Variants in GAP43 observed in about 807,000 individuals in gnomAD.
The protein encoded by GAP43 is neuromodulin.
A neutral mutation model predicts 18.6 loss-of-function variants in GAP43; 6 were observed. That is an observed-to-expected ratio of 0.32 (90% CI 0.18 to 0.64). The LOEUF is 0.64. GAP43 is among the 30% of genes least tolerant of loss of function. The probability of loss-of-function intolerance (pLI) is 0.78; values close to 1 mark genes in which losing one functional copy is unlikely to be tolerated. For synonymous variants in GAP43, 115 were observed against 111.4 expected (o/e 1.03, Z -0.20); for missense variants, 292 against 295.5 (o/e 0.99, Z 0.09).
At chr3:115,631,066 A>G (rs1215045440) in intron 1 of GAP43, among the ~76,000 whole-genome samples, 2 of 152,206 alleles carry the variant, frequency 1.3e-5, no homozygotes, top group Admixed American at 1.3e-4. Context: ...CCCCCTCACA[A>G]GGTGGATGTA....
intron 2 of GAP43, among the ~76,000 whole-genome samples, chr3:115,683,167 A>G (rs1708985892): frequency 3.3e-5 from 5 of 151,486 alleles, no homozygotes; most frequent in Admixed American, 6.6e-5. Context: ...ACACACACAC[A>G]CACACACACA....
At chr3:115,687,342 C>T (rs1709047863) in intron 2 of GAP43, among the ~76,000 whole-genome samples, 1 of 152,104 alleles carries the variant, frequency 6.6e-6, no homozygotes, top group African/African-American at 2.4e-5. Flanking sequence ...TTGTGTATTA[C>T]TTATAAGGTC....
At chr3:115,641,549 TTTC>T (rs1708397584) in intron 1 of GAP43, among the ~76,000 whole-genome samples, 1 of 77,918 alleles carries the variant, frequency 1.3e-5, no homozygotes, top group African/African-American at 3.9e-5. Context: ...CACACGGTGC[TTTC>T]CTGTTTCCCT....
chr3:115,696,748 T>C (rs971435827), intron 2 of GAP43, among the ~76,000 whole-genome samples: 9 of 152,030 alleles, frequency 5.9e-5, no homozygotes, highest in African/African-American at 2.2e-4. Flanking sequence ...TCGTTTAATA[T>C]TGTCACCCCA....
At chr3:115,636,976 T>A (rs1414993387) in intron 1 of GAP43, among the ~76,000 whole-genome samples, 1 of 152,070 alleles carries the variant, frequency 6.6e-6, no homozygotes, top group Non-Finnish European at 1.5e-5. Context: ...TAGTATAAAT[T>A]TAAGTATTAA....
chr3:115,630,640 G>T, intron 1 of GAP43, among the ~76,000 whole-genome samples: 1 of 152,160 alleles, frequency 6.6e-6, no homozygotes, highest in East Asian at 1.9e-4. Flanking sequence ...CAACTGGTAA[G>T]GTTCAGTAGT....
chr3:115,674,416 C>T (rs1708854867), intron 1 of GAP43, among the ~76,000 whole-genome samples: 1 of 152,152 alleles, frequency 6.6e-6, no homozygotes, highest in African/African-American at 2.4e-5. Context: ...TATGACCATA[C>T]CTGCTGTTCC....
chr3:115,702,425 A>G (rs983391293), intron 2 of GAP43, among the ~76,000 whole-genome samples: 1 of 152,122 alleles, frequency 6.6e-6, no homozygotes, highest in African/African-American at 2.4e-5. Context: ...AAAGAAAAAA[A>G]CTAGACCCAG....
chr3:115,684,452 C>A (rs1709009247), intron 2 of GAP43, among the ~76,000 whole-genome samples: 1 of 152,106 alleles, frequency 6.6e-6, no homozygotes, highest in Non-Finnish European at 1.5e-5. Flanking sequence ...TGTATCCATG[C>A]CTGTAGTATA....
intron 2 of GAP43, among the ~76,000 whole-genome samples, chr3:115,700,224 A>G (rs904005556): frequency 1.3e-5 from 2 of 152,216 alleles, no homozygotes; most frequent in African/African-American, 4.8e-5. Context: ...CATAATAATC[A>G]TGTCTGAACG....
chr3:115,624,675 A>G (rs1708162760), intron 1 of GAP43, among the ~76,000 whole-genome samples: 2 of 151,970 alleles, frequency 1.3e-5, no homozygotes, highest in Non-Finnish European at 2.9e-5. Flanking sequence ...AGCCATTTCC[A>G]ATTGCTCGCT....
In GAP43 at chr3:115,665,989, A is replaced by AGTTTGTGTGT. The variant is rs1273344906; in HGVS notation, c.31-10022_31-10021insTTGTGTGTGT. Among the ~76,000 whole-genome samples, 126 of 61,734 alleles carry AGTTTGTGTGT rather than the reference A, an allele frequency of 2.0e-3. 1 individual carries two copies. The highest frequency in any genetic ancestry group is 5.9e-3 in the East Asian group (5 of 842). The allele number at this position is 61,734 out of a possible 152,430, so 40.5% of individuals were successfully genotyped here. ...CTGTATATGAAATAGTGGCTAAATG[A>AGTTTGTGTGT]GTGTGTGTGTGTGTGTGTGTGTGTG... On this transcript the variant is annotated intron_variant, in intron 1 of 2. Transcript: ENST00000305124.
At chr3:115,688,962 T>A (rs1012593897) in intron 2 of GAP43, among the ~76,000 whole-genome samples, 1 of 152,248 alleles carries the variant, frequency 6.6e-6, no homozygotes, top group African/African-American at 2.4e-5. Flanking sequence ...TCAGATGTCC[T>A]TCTGCTCAGC....
chr3:115,633,017 G>A (rs1195600583), intron 1 of GAP43, among the ~76,000 whole-genome samples: 1 of 141,384 alleles, frequency 7.1e-6, no homozygotes, highest in Non-Finnish European at 1.6e-5. Context: ...GGAATTTATT[G>A]GAAAAAGAAA....
intron 2 of GAP43, among the ~76,000 whole-genome samples, chr3:115,684,190 T>C (rs1709004447): frequency 6.6e-6 from 1 of 152,178 alleles, no homozygotes; most frequent in East Asian, 1.9e-4. Context: ...ACATATACAG[T>C]GAAATAACTT....
intron 1 of GAP43, among the ~76,000 whole-genome samples, chr3:115,638,521 T>C (rs1218325819): frequency 6.6e-6 from 1 of 151,934 alleles, no homozygotes; most frequent in Non-Finnish European, 1.5e-5. Flanking sequence ...CTTTTTTTTT[T>C]TTTTATCTTT....
intron 2 of GAP43, among the ~76,000 whole-genome samples, chr3:115,713,129 T>A (rs758613229): frequency 5.9e-5 from 9 of 152,188 alleles, no homozygotes; most frequent in Non-Finnish European, 8.8e-5. Flanking sequence ...AAAGACTGTG[T>A]GAGCAACAAA....
chr3:115,627,875 G>A (rs1160213263), intron 1 of GAP43, among the ~76,000 whole-genome samples: 1 of 152,072 alleles, frequency 6.6e-6, no homozygotes, highest in Non-Finnish European at 1.5e-5. Flanking sequence ...CAGAAGTGTT[G>A]GGAAGAATAT....
intron 1 of GAP43, among the ~76,000 whole-genome samples, chr3:115,628,866 G>A (rs930848762): frequency 1.3e-5 from 2 of 152,158 alleles, no homozygotes; most frequent in African/African-American, 2.4e-5. Flanking sequence ...TTCCAGATCT[G>A]TAGATCAGAT....
Sources: allele counts gnomAD v4.1 joint callset (sites outside exome capture counted in the v4.1 genomes callset), GRCh38; gene constraint gnomAD v4.1.1; transcripts MANE v1.5; gene names NCBI Gene and HGNC (gene_info 2026-07-23, HGNC 2026-07-21).